The following KALRN variants were observed in gnomAD, a reference collection of about 807,000 sequenced individuals.
KALRN encodes the protein kalirin.
Under a neutral mutation model 353.7 loss-of-function variants are expected in KALRN, and 70 were observed. The ratio of observed to expected loss-of-function variants is 0.20; its 90% CI spans 0.16 to 0.24. The LOEUF is 0.24. Ranked by LOEUF, KALRN falls within the 10% of genes least tolerant of loss-of-function variation. The pLI, the probability that KALRN is intolerant of heterozygous loss-of-function variation, is 1.00. For synonymous variants in KALRN, 1,391 were observed against 1,434.8 expected, an observed-to-expected ratio of 0.97 and a Z score of 0.69; for missense variants, 2,791 against 3,756.7, an observed-to-expected ratio of 0.74 and a Z score of 6.72.
intron 33 of KALRN, among the ~76,000 whole-genome samples, chr3:124,555,458 TAA>T (rs1317227867): frequency 3.5e-5 from 5 of 144,012 alleles, no homozygotes; most frequent in African/African-American, 1.4e-4. Context: ...AATAAATAAA[TAA>T]ATAAAGTTAT....
chr3:124,590,018 CT>C (rs200129031), intron 34 of KALRN, among the ~76,000 whole-genome samples: 1,594 of 151,960 alleles, frequency 0.01, 36 homozygotes, highest in African/African-American at 0.036. Context: ...TTTCTTTTTT[CT>C]TTTTTTCTTT....
intron 33 of KALRN, among the ~76,000 whole-genome samples, chr3:124,513,184 G>C (rs372955049): frequency 6.6e-6 from 1 of 152,182 alleles, no homozygotes; most frequent in Non-Finnish European, 1.5e-5. Flanking sequence ...TCAGGGGGTA[G>C]GGGGCTGGGA....
chr3:124,594,181 A>T (rs11926803), intron 34 of KALRN, among the ~76,000 whole-genome samples: 1,828 of 152,260 alleles, frequency 0.012, 42 homozygotes, highest in African/African-American at 0.041. Flanking sequence ...TGCTTTTATA[A>T]CTTGCTTTCA....
At chr3:124,645,568 C>G (rs943999272) in intron 37 of KALRN, among the ~76,000 whole-genome samples, 2 of 152,038 alleles carry the variant, frequency 1.3e-5, no homozygotes, top group Non-Finnish European at 2.9e-5. Flanking sequence ...TTTCCCAACA[C>G]CATTTATTAC....
At chr3:124,635,489 A>G (rs1578522481) in intron 36 of KALRN, among the ~76,000 whole-genome samples, 1 of 152,190 alleles carries the variant, frequency 6.6e-6, no homozygotes, top group Non-Finnish European at 1.5e-5. Flanking sequence ...GCAGATGGCA[A>G]CAGTCTCCTT....
At chr3:124,072,719 C>T (rs1244176009) in intron 1 of KALRN, among the ~76,000 whole-genome samples, 1 of 152,212 alleles carries the variant, frequency 6.6e-6, no homozygotes, top group Non-Finnish European at 1.5e-5. Context: ...TCAGTGTGAC[C>T]TGGAAATAAT....
Position 124,384,824 on chromosome 3 carries a change from C to A in KALRN, c.1771-21C>A, listed in dbSNP as rs554839818. The A allele has an allele frequency of 1.9e-6, 3 of 1,556,452 alleles. No homozygotes were observed. The African/African-American group carries it at 4.1e-5, about 21-fold the overall frequency. On this transcript the variant is annotated intron_variant, in intron 10 of 59. Transcript: ENST00000682506. ...AAGGCGCGACTGCAACTTGACTTTGCCTCACTGTTGTTGCTGGCAGAATAC... is the reference window on the plus strand; with the variant it reads ...AAGGCGCGACTGCAACTTGACTTTGACTCACTGTTGTTGCTGGCAGAATAC...
intron 3 of KALRN, among the ~76,000 whole-genome samples, chr3:124,255,119 A>G (rs950615292): frequency 3.0e-4 from 45 of 151,824 alleles, no homozygotes; most frequent in Non-Finnish European, 1.0e-4. Flanking sequence ...CTAATTTTGT[A>G]TTTTTAGTAG....
Position 124,666,528 on chromosome 3 carries a change from G to A in KALRN, c.6425G>A (p.Arg2142Gln), listed in dbSNP as rs368791560. The A allele has an allele frequency of 2.1e-5, 34 of 1,613,832 alleles. No homozygotes were observed. The highest frequency in any genetic ancestry group is 3.3e-5 in the Admixed American group (2 of 59,984). ...VIELDAGMQS[R>Q]TKERRVFLFE... Reference sequence around the variant, plus strand: ...GAGCTGGATGCAGGCATGCAGTCCCGGACCAAAGAGAGGCGCGTGTTCCTC... The same window carrying A: ...GAGCTGGATGCAGGCATGCAGTCCCAGACCAAAGAGAGGCGCGTGTTCCTC... The change falls in exon 46 of 60, where the codon CGG (arginine) becomes CAG (glutamine). Residue 2142 changes from arginine (R) to glutamine (Q), a missense_variant. Arg to Gln is a conservative substitution (Grantham distance 43). Around this residue, in one of 11 missense-constraint regions of KALRN, gnomAD observed 1,065 missense variants for 1,156.4 expected, o/e 0.92. Transcript: ENST00000682506.
At chr3:124,488,418 T>G (rs1427692471) in intron 29 of KALRN, 103 bp downstream of exon 29, 1 of 781,196 alleles carries the variant, frequency 1.3e-6, no homozygotes, top group Non-Finnish European at 2.2e-6. Flanking sequence ...GGTGCAAGGC[T>G]GGAAGAGAGA....
chr3:124,546,990 A>G (rs2069756203), intron 33 of KALRN, among the ~76,000 whole-genome samples: 1 of 152,192 alleles, frequency 6.6e-6, no homozygotes, highest in Non-Finnish European at 1.5e-5. Context: ...CGAATGAATG[A>G]ACAAAGAACT....
In KALRN at chr3:124,434,540, T is replaced by C. The variant is rs1308207240; in HGVS notation, c.3048+15T>C. ...CTTCTGAACAGGTGAGGGAAAAGAC[T>C]GTGGGGCTTGTGGGGCTGAGATTGC... On this transcript the variant is annotated intron_variant, in intron 17 of 59. Coordinates refer to ENST00000682506, the MANE Select transcript of KALRN (RefSeq NM_001388419.1). 6.2e-7 allele frequency: 1 copy of C among 1,610,396 alleles called. No homozygotes were observed. Among genetic ancestry groups the C allele is most frequent in the Non-Finnish European group, 8.5e-7 (1 of 1,176,964 alleles).
chr3:124,073,557 G>T (rs114843793), intron 1 of KALRN, among the ~76,000 whole-genome samples: 3,204 of 152,238 alleles, frequency 0.021, 108 homozygotes, highest in African/African-American at 0.071. Context: ...TTTAAAAGCT[G>T]CATTTAGACT....
intron 54 of KALRN, 37 bp from the exon 55 acceptor site, chr3:124,697,556 C>A: frequency 3.9e-6 from 6 of 1,541,624 alleles, no homozygotes; most frequent in South Asian, 1.3e-5. Context: ...CCAAGTTCTG[C>A]AGAAATAGCA....
chr3:124,165,416 T>A (rs2070676966), intron 1 of KALRN, among the ~76,000 whole-genome samples: 2 of 152,208 alleles, frequency 1.3e-5, no homozygotes, highest in South Asian at 4.1e-4. Flanking sequence ...GTACCAATAT[T>A]TTTAAGAGAC....
rs1241782424 is a variant in KALRN at position 124,456,886 on chromosome 3, T to G, written c.3854+158T>G. The stretch of plus-strand genomic sequence containing the variant: ...TTGCATTGAGAATATGGGTTCCCTC[T>G]GAAGGCTTTGAAGTCTCTCCAGTCT... On this transcript the variant is annotated intron_variant, in intron 23 of 59. Coordinates refer to ENST00000682506, the MANE Select transcript of KALRN (RefSeq NM_001388419.1). Among the ~76,000 whole-genome samples the G allele has an allele frequency of 6.6e-5, 10 of 152,338 alleles. No individual in the cohort carries two copies. In the East Asian group the frequency reaches 1.9e-3, roughly 29 times the overall value.
intron 8 of KALRN, among the ~76,000 whole-genome samples, chr3:124,333,745 A>C (rs2080841523): frequency 6.6e-6 from 1 of 152,078 alleles, no homozygotes; most frequent in Admixed American, 6.5e-5. Context: ...GAAATTAGCC[A>C]GGTGTGGTGG....
rs887208479 is a variant in KALRN, at chr3:124,725,914, C to T, written c.*6444C>T. 8 of 152,132 alleles carry T rather than the reference C, an allele frequency of 5.3e-5. No individual in the cohort carries two copies. The highest frequency in any genetic ancestry group is 6.5e-5 in the Admixed American group (1 of 15,278). 9.4% of individuals were successfully genotyped at this position (152,132 alleles called of 1,614,324 possible). On this transcript the variant is annotated 3_prime_UTR_variant, in exon 60 of 60. Transcript: ENST00000682506. ...GGACAGGTTTCCCCATAGGGACCAT[C>T]GCACATATACATATAAGTACATACT...
intron 5 of KALRN, among the ~76,000 whole-genome samples, chr3:124,276,061 T>G (rs2074691050): frequency 6.6e-6 from 1 of 152,252 alleles, no homozygotes; most frequent in South Asian, 2.1e-4. Flanking sequence ...CTTGTCACCT[T>G]CTGCTTTGCA....
Sources: allele counts gnomAD v4.1 joint callset (sites outside exome capture counted in the v4.1 genomes callset), GRCh38; gene constraint gnomAD v4.1.1; regional missense constraint gnomAD v4.1.1; transcripts MANE v1.5; gene names NCBI Gene and HGNC (gene_info 2026-07-23, HGNC 2026-07-21).